COL25A1: variants seen among roughly 807,000 people sequenced by gnomAD.
COL25A1 encodes the protein collagen alpha-1(XXV) chain.
A neutral mutation model predicts 128.4 loss-of-function variants in COL25A1; 103 were observed. The ratio of observed to expected loss-of-function variants is 0.80; its 90% CI spans 0.68 to 0.94. COL25A1 has a LOEUF of 0.94. COL25A1 is among the 40% of genes least tolerant of loss of function. COL25A1 has a pLI of 0.00. For synonymous variants in COL25A1, 279 were observed against 277.2 expected, an observed-to-expected ratio of 1.01 and a Z score of -0.06; for missense variants, 745 against 840.0, an observed-to-expected ratio of 0.89 and a Z score of 1.40.
In COL25A1 at chr4:108,974,538, C is replaced by T. The variant is rs369461700; in HGVS notation, c.460G>A (p.Asp154Asn). Residue 154 changes from aspartate to asparagine, a missense_variant, in exon 7 of 38, where the codon GAT becomes AAT. This residue lies in a region of COL25A1 where 319 missense variants were observed against 324.9 expected (regional missense o/e 0.98). Coordinates refer to ENST00000399132, the MANE Select transcript of COL25A1 (RefSeq NM_198721.4). ...GPQGPPGPKG[D>N]KGEQGDQGPR... ...TCTGGTATGCATTTTCTTACCTTAT[C>T]GCCTTTTGGACCAGGAGGGCCCTGA... The T allele has an allele frequency of 1.1e-5, 18 of 1,607,896 alleles. No individual in the cohort carries two copies. The highest frequency in any genetic ancestry group is 1.4e-5 in the Non-Finnish European group (17 of 1,177,908).
At chr4:108,951,248 A>T (rs1253785670) in intron 8 of COL25A1, among the ~76,000 whole-genome samples, 2 of 152,236 alleles carry the variant, frequency 1.3e-5, no homozygotes, top group Non-Finnish European at 2.9e-5. Flanking sequence ...GTGCCATGCC[A>T]TGTGAGTATG....
chr4:108,913,353 C>T (rs947577837), intron 13 of COL25A1, among the ~76,000 whole-genome samples: 1 of 146,798 alleles, frequency 6.8e-6, no homozygotes, highest in African/African-American at 2.5e-5. Context: ...TTGCAACCTC[C>T]GCCTCCAGGG....
chr4:109,109,714 C>T (rs529722296), intron 3 of COL25A1, among the ~76,000 whole-genome samples: 1 of 152,324 alleles, frequency 6.6e-6, no homozygotes, highest in South Asian at 2.1e-4. Flanking sequence ...TAACCCCACA[C>T]CTAACACTGT....
chr4:109,102,965 T>C (rs1766049012), intron 3 of COL25A1, among the ~76,000 whole-genome samples: 1 of 152,280 alleles, frequency 6.6e-6, no homozygotes, highest in Admixed American at 6.5e-5. Context: ...TCTTCTAACT[T>C]GCTGTGTATT....
intron 3 of COL25A1, among the ~76,000 whole-genome samples, chr4:109,211,449 CCTTAATGTT>C (rs1777555464): frequency 2.0e-5 from 1 of 50,502 alleles, no homozygotes; most frequent in African/African-American, 4.3e-4. Context: ...TCTGAGCCTT[CCTTAATGTT>C]CCTTAATGTT....
chr4:109,038,829 T>A (rs1759596863), intron 5 of COL25A1, among the ~76,000 whole-genome samples: 1 of 152,170 alleles, frequency 6.6e-6, no homozygotes, highest in South Asian at 2.1e-4. Flanking sequence ...TGGAGATTCA[T>A]CCTTCCCTTC....
chr4:109,270,920 A>G (rs981001365), intron 3 of COL25A1, among the ~76,000 whole-genome samples: 1 of 152,200 alleles, frequency 6.6e-6, no homozygotes, highest in African/African-American at 2.4e-5. Context: ...GCATTGTGCT[A>G]GAATGCCTAC....
At chr4:109,072,192 T>C (rs74586097) in intron 3 of COL25A1, among the ~76,000 whole-genome samples, 108 of 152,358 alleles carry the variant, frequency 7.1e-4, no homozygotes, top group African/African-American at 2.4e-3. Flanking sequence ...TACTAATTCA[T>C]AATGACTATT....
intron 3 of COL25A1, among the ~76,000 whole-genome samples, chr4:109,238,698 C>T (rs1578517254): frequency 6.6e-6 from 1 of 152,064 alleles, no homozygotes; most frequent in African/African-American, 2.4e-5. Flanking sequence ...GAATGGGCTG[C>T]TCTCTGCCTC....
At chr4:109,250,931 A>G (rs957350443) in intron 3 of COL25A1, among the ~76,000 whole-genome samples, 3 of 152,182 alleles carry the variant, frequency 2.0e-5, no homozygotes, top group African/African-American at 7.2e-5. Context: ...TCTGCCTAAC[A>G]TGATACAACC....
chr4:109,127,361 T>C (rs1768719230), intron 3 of COL25A1, among the ~76,000 whole-genome samples: 2 of 152,174 alleles, frequency 1.3e-5, no homozygotes, highest in Non-Finnish European at 2.9e-5. Context: ...TAAATTCTAG[T>C]TGCAACAGTA....
At position 109,164,252 on chromosome 4, in the gene COL25A1, G is replaced by C. The variant is rs185051396; in HGVS notation, c.368-114073C>G. On this transcript the variant is annotated intron_variant, in intron 3 of 37. Transcript: ENST00000399132. Reference sequence around the variant, plus strand: ...TTTTTCCTTTTCCTATTCACTGCTTGATAAGAGAGGAAGACACAGCCCTGA... The same window carrying C: ...TTTTTCCTTTTCCTATTCACTGCTTCATAAGAGAGGAAGACACAGCCCTGA... 7.6e-4 allele frequency among the ~76,000 whole-genome samples: 116 copies of C among 152,180 alleles called. 2 individuals are homozygous for C. The highest frequency in any genetic ancestry group is 9.7e-4 in the East Asian group (5 of 5,172).
At position 109,082,170 on chromosome 4, in the gene COL25A1, T is replaced by C. The variant is rs530999087; in HGVS notation, c.368-31991A>G. On this transcript the variant is annotated intron_variant, in intron 3 of 37. Transcript: ENST00000399132. ...AATTTCATAGCTGAGTACTATTCCA[T>C]TGTATGCAAATACAAATTTTCTTCA... Among the ~76,000 whole-genome samples the C allele has an allele frequency of 1.2e-4, 19 of 152,344 alleles. No individual in the cohort carries two copies. The South Asian group carries it at 3.1e-3, about 25-fold the overall frequency.
intron 3 of COL25A1, among the ~76,000 whole-genome samples, chr4:109,102,748 A>G (rs1472314234): frequency 6.6e-6 from 1 of 152,132 alleles, no homozygotes; most frequent in Admixed American, 6.5e-5. Flanking sequence ...TCACTATAAA[A>G]TATCTCTATG....
rs544386084 is a variant in COL25A1 at position 109,186,082 on chromosome 4, T to C, written c.367+114501A>G. 3.9e-5 allele frequency among the ~76,000 whole-genome samples: 6 copies of C among 152,352 alleles called. No homozygotes were observed. The South Asian group carries it at 1.2e-3, about 32-fold the overall frequency. On this transcript the variant is annotated intron_variant, in intron 3 of 37. Transcript: ENST00000399132. ...ATGAGAAAAGAATGGCAATGAGGCA[T>C]CTCTCTTGCCAGGACCTTTTGTCAT...
chr4:108,968,584 T>C (rs1431431995), intron 8 of COL25A1, among the ~76,000 whole-genome samples: 1 of 151,880 alleles, frequency 6.6e-6, no homozygotes, highest in Non-Finnish European at 1.5e-5. Context: ...TCCTTCCTCA[T>C]CCCACTCCGT....
At chr4:108,978,905 T>C (rs1287096073) in intron 6 of COL25A1, among the ~76,000 whole-genome samples, 2 of 152,244 alleles carry the variant, frequency 1.3e-5, no homozygotes, top group Non-Finnish European at 2.9e-5. Context: ...TCAGATCTTT[T>C]ATAAGCCCCA....
intron 3 of COL25A1, among the ~76,000 whole-genome samples, chr4:109,260,615 T>A (rs1781380973): frequency 6.6e-6 from 1 of 151,950 alleles, no homozygotes; most frequent in South Asian, 2.1e-4. Flanking sequence ...CCTGTCTCAG[T>A]CTCCTGCGTA....
intron 3 of COL25A1, among the ~76,000 whole-genome samples, chr4:109,095,142 A>C (rs1377810046): frequency 6.6e-6 from 1 of 152,214 alleles, no homozygotes; most frequent in Admixed American, 6.5e-5. Flanking sequence ...GAGTTACTTC[A>C]ATATTCAAAG....
Sources: allele counts gnomAD v4.1 joint callset (sites outside exome capture counted in the v4.1 genomes callset), GRCh38; gene constraint gnomAD v4.1.1; regional missense constraint gnomAD v4.1.1; transcripts MANE v1.5; gene names NCBI Gene and HGNC (gene_info 2026-07-23, HGNC 2026-07-21).